CDH8: variants seen among roughly 807,000 people sequenced by gnomAD.
The protein encoded by CDH8 is cadherin-8.
A neutral mutation model predicts 68.1 loss-of-function variants in CDH8; 17 were observed. The observed-to-expected ratio is 0.25, with a 90% CI of 0.17 to 0.37. CDH8 has a LOEUF of 0.37. CDH8 is among the 10% of genes least tolerant of loss of function. The pLI, the probability that CDH8 is intolerant of heterozygous loss-of-function variation, is 1.00. For synonymous variants in CDH8, 372 were observed against 365.1 expected, an observed-to-expected ratio of 1.02 and a Z score of -0.21; for missense variants, 763 against 999.3, an observed-to-expected ratio of 0.76 and a Z score of 3.19.
intron 10 of CDH8, among the ~76,000 whole-genome samples, chr16:61,697,497 A>G (rs58019648): frequency 6.8e-6 from 1 of 147,048 alleles, no homozygotes; most frequent in South Asian, 2.2e-4. Context: ...TTGGAGAGTT[A>G]TTTTTTTTTT....
intron 2 of CDH8, among the ~76,000 whole-genome samples, chr16:61,913,064 T>C (rs1293352696): frequency 1.3e-5 from 2 of 152,156 alleles, no homozygotes; most frequent in African/African-American, 2.4e-5. Context: ...TTATGCTAAA[T>C]GTTTGGGAAT....
intron 3 of CDH8, among the ~76,000 whole-genome samples, chr16:61,867,233 A>G (rs75205672): frequency 2.0e-5 from 3 of 152,336 alleles, no homozygotes; most frequent in East Asian, 1.9e-4. Context: ...GCCGCCATCA[A>G]TGACATAGCT....
At chr16:61,708,830 T>C (rs568048651) in intron 10 of CDH8, among the ~76,000 whole-genome samples, 1 of 152,304 alleles carries the variant, frequency 6.6e-6, no homozygotes, top group African/African-American at 2.4e-5. Flanking sequence ...TTCATGCAAA[T>C]TGAGCACTAC....
At chr16:62,017,432 G>C (rs1243401520) in intron 2 of CDH8, among the ~76,000 whole-genome samples, 1 of 152,126 alleles carries the variant, frequency 6.6e-6, no homozygotes, top group Non-Finnish European at 1.5e-5. Context: ...TGTAATCCCA[G>C]CATTTTGAGA....
At chr16:61,726,962 C>T (rs1402013713) in intron 9 of CDH8, 132 bp downstream of exon 9, 2 of 933,394 alleles carry the variant, frequency 2.1e-6, no homozygotes, top group Non-Finnish European at 3.3e-6. Flanking sequence ...TCTCTGTTCC[C>T]ATTTGGATGT....
chr16:61,904,509 G>A (rs186661006), intron 2 of CDH8, among the ~76,000 whole-genome samples: 13 of 152,306 alleles, frequency 8.5e-5, no homozygotes, highest in Admixed American at 8.5e-4. Context: ...GTGAGCAGCA[G>A]ATGAGCGAAC....
At chr16:61,856,308 C>T (rs558033283) in intron 4 of CDH8, among the ~76,000 whole-genome samples, 12 of 152,128 alleles carry the variant, frequency 7.9e-5, no homozygotes, top group African/African-American at 2.6e-4. Context: ...AATAATTGTT[C>T]TTAATAATAG....
At chr16:61,762,730 A>T (rs1415249234) in intron 8 of CDH8, among the ~76,000 whole-genome samples, 1 of 152,138 alleles carries the variant, frequency 6.6e-6, no homozygotes, top group African/African-American at 2.4e-5. Flanking sequence ...TTTTGTGATA[A>T]CTATTTCATA....
intron 2 of CDH8, among the ~76,000 whole-genome samples, chr16:61,954,575 G>C (rs1964953634): frequency 6.6e-6 from 1 of 151,900 alleles, no homozygotes; most frequent in Admixed American, 6.6e-5. Context: ...GGTGGTGGGT[G>C]CCTGTAGTCC....
intron 10 of CDH8, among the ~76,000 whole-genome samples, chr16:61,697,232 A>G (rs1054897853): frequency 3.3e-5 from 5 of 152,144 alleles, no homozygotes; most frequent in African/African-American, 9.7e-5. Context: ...TATCTTGTCA[A>G]TGGGCATGTG....
At chr16:61,875,858 T>C (rs559736575) in intron 3 of CDH8, among the ~76,000 whole-genome samples, 2 of 152,184 alleles carry the variant, frequency 1.3e-5, no homozygotes, top group South Asian at 4.1e-4. Context: ...ACCAAAATAG[T>C]TAGGTTTTCT....
At chr16:61,753,809 G>A (rs1249307907) in intron 8 of CDH8, among the ~76,000 whole-genome samples, 4 of 152,000 alleles carry the variant, frequency 2.6e-5, no homozygotes, top group African/African-American at 9.7e-5. Context: ...GAAACAAAAA[G>A]TATCTAAGCT....
At chr16:61,748,866 G>A (rs1380010940) in intron 8 of CDH8, among the ~76,000 whole-genome samples, 2 of 152,064 alleles carry the variant, frequency 1.3e-5, no homozygotes. Context: ...CAGCAGGCCT[G>A]TTGGCAACCA....
intron 7 of CDH8, among the ~76,000 whole-genome samples, chr16:61,814,686 A>C (rs190948073): frequency 6.6e-6 from 1 of 152,192 alleles, no homozygotes; most frequent in Non-Finnish European, 1.5e-5. Context: ...ATGCATAGCT[A>C]TGTGTTACCC....
intron 4 of CDH8, among the ~76,000 whole-genome samples, chr16:61,847,281 C>T (rs752060041): frequency 1.8e-4 from 28 of 151,928 alleles, no homozygotes; most frequent in Admixed American, 5.9e-4. Flanking sequence ...ATGGCACAAA[C>T]TCTTTTTAAA....
At chr16:61,792,443 C>T (rs896202058) in intron 7 of CDH8, among the ~76,000 whole-genome samples, 2 of 152,074 alleles carry the variant, frequency 1.3e-5, no homozygotes, top group African/African-American at 2.4e-5. Flanking sequence ...TTTATGATAA[C>T]AGCTCCCAAG....
At chr16:61,894,553 C>G (rs1327209045) in intron 3 of CDH8, among the ~76,000 whole-genome samples, 1 of 152,148 alleles carries the variant, frequency 6.6e-6, no homozygotes, top group African/African-American at 2.4e-5. Flanking sequence ...CAACAATTTA[C>G]TCTCAAACAG....
At chr16:61,856,589 GATAT>G (rs890487110) in intron 4 of CDH8, among the ~76,000 whole-genome samples, 23 of 151,910 alleles carry the variant, frequency 1.5e-4, no homozygotes, top group Non-Finnish European at 3.2e-4. Flanking sequence ...AGCTCTAATG[GATAT>G]ATATGTATTG....
At chr16:61,887,979 T>C (rs1963707288) in intron 3 of CDH8, among the ~76,000 whole-genome samples, 1 of 152,146 alleles carries the variant, frequency 6.6e-6, no homozygotes, top group Admixed American at 6.6e-5. Context: ...GAAATTCTGT[T>C]TCTAGAACTC....
Sources: gnomAD v4.1 joint callset for allele counts (sites outside exome capture counted in the v4.1 genomes callset) on GRCh38, gnomAD v4.1.1 for gene constraint, MANE v1.5 for transcripts, NCBI Gene and HGNC (gene_info 2026-07-23, HGNC 2026-07-21) for gene names.